PLPPR5: variants seen among roughly 807,000 people sequenced by gnomAD.
PLPPR5 encodes phospholipid phosphatase-related protein type 5.
Under a neutral mutation model 33.9 loss-of-function variants are expected in PLPPR5, and 16 were observed. The ratio of observed to expected loss-of-function variants is 0.47; its 90% CI spans 0.32 to 0.72. The LOEUF is 0.72. Among genes scored for constraint, PLPPR5 ranks in the 30% least tolerant of loss-of-function variants. The pLI is 0.03. For synonymous variants in PLPPR5, 163 were observed against 150.3 expected (o/e 1.08, Z -0.62); for missense variants, 301 against 406.7 (o/e 0.74, Z 2.23).
rs141151495 is a variant in PLPPR5, at chr1:98,983,986, T to G, written c.237+20449A>C. Among the ~76,000 whole-genome samples the G allele has an allele frequency of 2.3e-3, 356 of 151,848 alleles. 3 individuals are homozygous for G. Among genetic ancestry groups the G allele is most frequent in the Admixed American group, 1.0e-2 (152 of 15,220 alleles). On this transcript the variant is annotated intron_variant, in intron 1 of 5. Coordinates refer to ENST00000263177, the MANE Select transcript of PLPPR5 (RefSeq NM_001037317.2). Reference sequence around the variant, plus strand: ...AAATTCACATGTAATTTGAATTCTATTCTCTTAATTTCTTTTTCTTGTGCA... The same window carrying G: ...AAATTCACATGTAATTTGAATTCTAGTCTCTTAATTTCTTTTTCTTGTGCA...
chr1:98,921,740 T>C, intron 4 of PLPPR5, 142 bp downstream of exon 4: 1 of 648,428 alleles, frequency 1.5e-6, no homozygotes, highest in Non-Finnish European at 2.5e-6. Context: ...ATGACTTAAA[T>C]GATTTGTTTT....
At chr1:98,908,845 T>G (rs1649007869) in intron 5 of PLPPR5, among the ~76,000 whole-genome samples, 1 of 152,156 alleles carries the variant, frequency 6.6e-6, no homozygotes, top group Admixed American at 6.5e-5. Context: ...AGAAAGGTTG[T>G]GTGAGCCCTA....
chr1:98,906,162 GTATATATATATAGTGTGTGTGTA>G (rs1343478467), intron 5 of PLPPR5, among the ~76,000 whole-genome samples: 50 of 150,334 alleles, frequency 3.3e-4, no homozygotes, highest in African/African-American at 8.8e-4. Flanking sequence ...CACAGTGTGT[GTATATATATATAGTGTGTGTGTA>G]TATATATATA....
At chr1:98,935,486 A>G (rs926528254) in intron 3 of PLPPR5, among the ~76,000 whole-genome samples, 2 of 152,134 alleles carry the variant, frequency 1.3e-5, no homozygotes, top group African/African-American at 4.8e-5. Context: ...ATAACCCCCA[A>G]TTTATGATAT....
At chr1:99,001,644 G>A (rs1652847062) in intron 1 of PLPPR5, among the ~76,000 whole-genome samples, 1 of 131,144 alleles carries the variant, frequency 7.6e-6, no homozygotes, top group South Asian at 2.4e-4. Context: ...TTACTCTCAA[G>A]AACTAGAAAT....
intron 1 of PLPPR5, among the ~76,000 whole-genome samples, chr1:98,994,506 T>G (rs1181980139): frequency 6.6e-6 from 1 of 152,154 alleles, no homozygotes; most frequent in Non-Finnish European, 1.5e-5. Context: ...AGCTAACAAA[T>G]TTTGTATGTC....
At chr1:98,947,217 G>A (rs764702451) in intron 3 of PLPPR5, among the ~76,000 whole-genome samples, 29 of 152,258 alleles carry the variant, frequency 1.9e-4, no homozygotes, top group Non-Finnish European at 2.9e-4. Context: ...TAACCAAAAC[G>A]TCAATGTTCT....
intron 4 of PLPPR5, among the ~76,000 whole-genome samples, chr1:98,920,167 C>T (rs1413065697): frequency 6.6e-6 from 1 of 152,064 alleles, no homozygotes; most frequent in East Asian, 1.9e-4. Context: ...AGGGAAGTGA[C>T]TTGGAAGGCA....
Position 98,914,908 on chromosome 1 carries a change from C to T in PLPPR5, c.811G>A (p.Val271Met). 1 of 1,610,904 alleles carries T rather than the reference C, an allele frequency of 6.2e-7. No homozygotes were observed. The part of the protein sequence containing the change: ...SIAVFLVVCV[V>M]NNFKGRQAEN... ...GCTTGTCTCCCTTTGAAATTATTCACCACGCACACAACCTAAAATTTCAGA... is the reference window on the plus strand; with the variant it reads ...GCTTGTCTCCCTTTGAAATTATTCATCACGCACACAACCTAAAATTTCAGA... The change falls in exon 5 of 6, where the codon GTG becomes ATG. Residue 271 changes from valine to methionine, a missense_variant. Physicochemically the swap from Val to Met is conservative, Grantham distance 21 (BLOSUM62 1). Coordinates refer to ENST00000263177, the MANE Select transcript of PLPPR5 (RefSeq NM_001037317.2).
intron 1 of PLPPR5, among the ~76,000 whole-genome samples, chr1:98,983,653 G>GA (rs1652140817): frequency 6.6e-6 from 1 of 151,234 alleles, no homozygotes; most frequent in Admixed American, 6.6e-5. Flanking sequence ...GATCCCTGAG[G>GA]AATCGCCACA....
intron 3 of PLPPR5, among the ~76,000 whole-genome samples, chr1:98,952,847 AT>A (rs1570727991): frequency 6.6e-6 from 1 of 152,314 alleles, no homozygotes; most frequent in African/African-American, 2.4e-5. Context: ...TAATGGCTAC[AT>A]TTTTTAATAC....
At chr1:98,955,955 A>C (rs1220608546) in intron 2 of PLPPR5, among the ~76,000 whole-genome samples, 1 of 152,148 alleles carries the variant, frequency 6.6e-6, no homozygotes, top group Non-Finnish European at 1.5e-5. Flanking sequence ...TAATTCATTC[A>C]TGCATATATT....
rs765261785 is a variant in PLPPR5 at position 98,914,760 on chromosome 1, A to AATT, written c.933+23_933+25dup. The AATT allele has an allele frequency of 4.4e-6, 7 of 1,584,944 alleles. No individual in the cohort carries two copies. The South Asian group carries it at 6.9e-5, about 16-fold the overall frequency. Reference sequence around the variant, plus strand: ...ATGATTCATTTGCTCTAGTTATTATAATTTAGAATTTAAATTGTGAGTCAC... The same window carrying AATT: ...ATGATTCATTTGCTCTAGTTATTATAATTATTTAGAATTTAAATTGTGAGTCAC... On this transcript the variant is annotated intron_variant, in intron 5 of 5. Coordinates refer to ENST00000263177, the MANE Select transcript of PLPPR5 (RefSeq NM_001037317.2).
chr1:98,996,459 G>C (rs1046118236), intron 1 of PLPPR5, among the ~76,000 whole-genome samples: 1 of 152,116 alleles, frequency 6.6e-6, no homozygotes, highest in Non-Finnish European at 1.5e-5. Context: ...AACTACATCT[G>C]TCATAATAAG....
chr1:98,962,023 C>A (rs1651266911), intron 1 of PLPPR5, among the ~76,000 whole-genome samples: 1 of 152,160 alleles, frequency 6.6e-6, no homozygotes, highest in Admixed American at 6.5e-5. Context: ...ACAGCCTTTA[C>A]ATCCAAAATA....
chr1:98,959,134 T>G (rs1360107305), intron 1 of PLPPR5, among the ~76,000 whole-genome samples: 1 of 152,344 alleles, frequency 6.6e-6, no homozygotes, highest in Non-Finnish European at 1.5e-5. Context: ...TCTGGCTTGT[T>G]CCTATGATGA....
intron 5 of PLPPR5, among the ~76,000 whole-genome samples, chr1:98,906,954 T>C (rs916863555): frequency 1.3e-5 from 2 of 152,186 alleles, no homozygotes; most frequent in Non-Finnish European, 2.9e-5. Context: ...CAGATATCAA[T>C]TTAATTCTCA....
chr1:98,998,778 G>C (rs1652723023), intron 1 of PLPPR5, among the ~76,000 whole-genome samples: 1 of 152,032 alleles, frequency 6.6e-6, no homozygotes. Flanking sequence ...TTACATTAAT[G>C]AATTTAAATA....
chr1:98,922,578 T>G (rs1391411820), intron 3 of PLPPR5, among the ~76,000 whole-genome samples: 2 of 152,232 alleles, frequency 1.3e-5, no homozygotes, highest in East Asian at 3.8e-4. Flanking sequence ...AGATGTTACT[T>G]TGAAGGAAGA....
Sources: gnomAD v4.1 joint callset for allele counts (sites outside exome capture counted in the v4.1 genomes callset) on GRCh38, gnomAD v4.1.1 for gene constraint, MANE v1.5 for transcripts, NCBI Gene and HGNC (gene_info 2026-07-23, HGNC 2026-07-21) for gene names.